CUL2: variants seen among roughly 807,000 people sequenced by gnomAD.
CUL2 encodes the protein cullin-2.
In CUL2, 22 loss-of-function variants were observed where a neutral mutation model predicts 110.2. That is an observed-to-expected ratio of 0.20 (90% CI 0.14 to 0.28). The LOEUF is 0.28. Among genes scored for constraint, CUL2 ranks in the 10% least tolerant of loss-of-function variants. The probability of loss-of-function intolerance (pLI) is 1.00; values close to 1 mark genes in which losing one functional copy is unlikely to be tolerated. For synonymous variants in CUL2, 279 were observed against 293.2 expected (o/e 0.95, Z 0.49); for missense variants, 631 against 905.5 (o/e 0.70, Z 3.89).
At chr10:35,079,789 T>G (rs1353319893) in intron 1 of CUL2, 1 of 154,752 alleles carries the variant, frequency 6.5e-6, no homozygotes, top group Non-Finnish European at 1.5e-5. Context: ...CTCTGGTGTA[T>G]CCATATTGCT....
At chr10:35,093,659 C>A (rs1360133071), upstream of CUL2, among the ~76,000 whole-genome samples, 13 of 87,802 alleles carry the variant, frequency 1.5e-4, no homozygotes, top group East Asian at 6.4e-4. Context: ...GACCTTCTCT[C>A]AAAAAAAAAA....
chr10:35,031,369 C>T lies in CUL2; in HGVS notation c.1317G>A (p.Leu439=), dbSNP rs1335873426. 6.2e-7 allele frequency: 1 copy of T among 1,609,182 alleles called. No homozygotes were observed. Among genetic ancestry groups the T allele is most frequent in the Non-Finnish European group, 8.5e-7 (1 of 1,177,724 alleles). The change falls in exon 14 of 21, where the codon CTG becomes CTA. Residue 439 remains leucine (L), a synonymous_variant. Coordinates refer to ENST00000374749, the MANE Select transcript of CUL2 (RefSeq NM_003591.4). This position sits in a 1 kb window ranked among gnomAD's most constrained non-coding sequence, Gnocchi z 4.4. ...ATAACCCATGAATTAAACGTTTTGC[C>T]AGCATTCTTGCGTAGAACTACATTT... ...DVFQKFYARM[L]AKRLIHGLSM...
chr10:35,117,697 T>C (rs1391712764), intron 1 of CUL2, among the ~76,000 whole-genome samples: 1 of 152,206 alleles, frequency 6.6e-6, no homozygotes, highest in African/African-American at 2.4e-5. Context: ...ATGTGAGTGG[T>C]GTATTACTGA....
At chr10:35,028,372 T>TA (rs1460402161) in intron 16 of CUL2, among the ~76,000 whole-genome samples, 1 of 152,226 alleles carries the variant, frequency 6.6e-6, no homozygotes. Flanking sequence ...TGTTACTACT[T>TA]ACTCTACTAG....
At chr10:35,107,374 GGCAGTTTATTACT>G (rs2087473034) in intron 1 of CUL2, among the ~76,000 whole-genome samples, 1 of 152,070 alleles carries the variant, frequency 6.6e-6, no homozygotes, top group Admixed American at 6.6e-5. Flanking sequence ...TAGAGAAAAG[GGCAGTTTATTACT>G]TCAAGTGTTT....
intron 4 of CUL2, among the ~76,000 whole-genome samples, chr10:35,060,442 G>A (rs750093421): frequency 1.5e-4 from 23 of 152,100 alleles, no homozygotes; most frequent in Non-Finnish European, 2.6e-4. Context: ...ACTTCAAGGG[G>A]AAAATAACCC....
chr10:35,108,930 C>T (rs2087496293), intron 1 of CUL2, among the ~76,000 whole-genome samples: 1 of 152,134 alleles, frequency 6.6e-6, no homozygotes, highest in East Asian at 1.9e-4. Flanking sequence ...CTAGCCATTT[C>T]TGCTAGGGAC....
chr10:35,033,204 A>T lies in CUL2; in HGVS notation c.1072T>A (p.Leu358Met). 6.2e-7 allele frequency: 1 copy of T among 1,613,716 alleles called. No individual in the cohort carries two copies. The highest frequency in any genetic ancestry group is 8.5e-7 in the Non-Finnish European group (1 of 1,179,810). The change falls in exon 11 of 21, where the codon TTG becomes ATG. Residue 358 changes from leucine (L) to methionine (M), a missense_variant. Leu to Met is a conservative substitution (Grantham distance 15). Around this residue, in one of 3 missense-constraint regions of CUL2, gnomAD observed 338 missense variants for 442.5 expected, o/e 0.76. Transcript: ENST00000374749. ...CTCATAAAATGCTGATCACCATTCAAAACAGTGTTGATAAGCTGAACAAAT... is the reference window on the plus strand; with the variant it reads ...CTCATAAAATGCTGATCACCATTCATAACAGTGTTGATAAGCTGAACAAAT... The part of the protein sequence containing the change: ...GKFVQLINTV[L>M]NGDQHFMSAL...
intron 1 of CUL2, chr10:35,120,605 G>C (rs1013139651): frequency 1.3e-5 from 2 of 152,124 alleles, no homozygotes; most frequent in Admixed American, 6.5e-5. Context: ...ATTGCCTAAA[G>C]AATGTGCTGA....
At chr10:35,057,682 A>T (rs2086275152) in intron 4 of CUL2, among the ~76,000 whole-genome samples, 1 of 152,028 alleles carries the variant, frequency 6.6e-6, no homozygotes, top group Admixed American at 6.6e-5. Context: ...AAAGAAAATA[A>T]AGTCACAATT....
chr10:35,060,941 G>A lies in CUL2; in HGVS notation c.250C>T (p.Leu84Phe). ...KRVLESEEQV[L>F]VMYHRYWEEY... Reference sequence around the variant, plus strand: ...TCCCAGTACCTATGATACATAACAAGTACTTGTTCTTCTGACTCCAAAACT... The same window carrying A: ...TCCCAGTACCTATGATACATAACAAATACTTGTTCTTCTGACTCCAAAACT... Residue 84 changes from leucine to phenylalanine, a missense_variant, in exon 4 of 21, where the codon CTT (leucine) becomes TTT (phenylalanine). Physicochemically the swap from Leu to Phe is conservative, Grantham distance 22. Coordinates refer to ENST00000374749, the MANE Select transcript of CUL2 (RefSeq NM_003591.4). 6.2e-7 allele frequency: 1 copy of A among 1,613,566 alleles called. No homozygotes were observed. The highest frequency in any genetic ancestry group is 8.5e-7 in the Non-Finnish European group (1 of 1,179,822).
At chr10:35,095,403 G>T (rs2087282064), upstream of CUL2, among the ~76,000 whole-genome samples, 1 of 151,612 alleles carries the variant, frequency 6.6e-6, no homozygotes, top group Admixed American at 6.6e-5. Context: ...ATCATGTTTG[G>T]GTTGATGTAC....
In CUL2 at chr10:35,025,124, C is replaced by A. The variant is rs1490258016; in HGVS notation, c.1684+8G>T. 1.3e-6 allele frequency: 2 copies of A among 1,504,664 alleles called. No homozygotes were observed. The highest frequency in any genetic ancestry group is 1.4e-5 in the South Asian group (1 of 71,528). 93.2% of individuals were successfully genotyped at this position (1,504,664 alleles called of 1,614,324 possible). On this transcript the variant is annotated splice_region_variant and intron_variant, in intron 17 of 20. Transcript: ENST00000374749. Reference sequence around the variant, plus strand: ...TCATTAAGCCAGATATAATTAAATGCATTTTACCTGTACACAGATAATGTA... The same window carrying A: ...TCATTAAGCCAGATATAATTAAATGAATTTTACCTGTACACAGATAATGTA...
At chr10:35,034,157 T>A (rs760792608) in intron 10 of CUL2, among the ~76,000 whole-genome samples, 12 of 152,210 alleles carry the variant, frequency 7.9e-5, no homozygotes, top group Non-Finnish European at 7.3e-5. Context: ...TGGATTTGAG[T>A]CTACCACAAA....
At chr10:35,064,646 C>T (rs35784065) in intron 2 of CUL2, among the ~76,000 whole-genome samples, 46,600 of 151,956 alleles carry the variant, frequency 0.31, 7,440 homozygotes, top group South Asian at 0.35. Context: ...TATTTACTTA[C>T]TTATAAATTT....
chr10:35,069,495 C>T (rs2086625178), intron 2 of CUL2, among the ~76,000 whole-genome samples: 1 of 151,640 alleles, frequency 6.6e-6, no homozygotes, highest in African/African-American at 2.4e-5. Context: ...GAGCTATAGT[C>T]ACACCACTGT....
intron 2 of CUL2, among the ~76,000 whole-genome samples, chr10:35,099,234 C>T (rs750437596): frequency 6.6e-6 from 1 of 151,536 alleles, no homozygotes; most frequent in Non-Finnish European, 1.5e-5. Flanking sequence ...TTCTAAAATA[C>T]AAAAAAATTA....
At chr10:35,078,302 T>C (rs1239320439) in intron 1 of CUL2, among the ~76,000 whole-genome samples, 1 of 151,974 alleles carries the variant, frequency 6.6e-6, no homozygotes, top group Non-Finnish European at 1.5e-5. Flanking sequence ...TGAATTTTTT[T>C]TTTTTTTTTT....
intron 17 of CUL2, among the ~76,000 whole-genome samples, chr10:35,018,105 C>T (rs2085084569): frequency 7.6e-6 from 1 of 131,872 alleles, no homozygotes; most frequent in African/African-American, 2.8e-5. Context: ...GGTGAAACCC[C>T]TGCTCTACTA....
Sources: gnomAD v4.1 joint callset for allele counts (sites outside exome capture counted in the v4.1 genomes callset) on GRCh38, gnomAD v4.1.1 for gene constraint, gnomAD v4.1.1 regional missense constraint, Gnocchi (gnomAD v3.1) non-coding constraint, MANE v1.5 for transcripts, NCBI Gene and HGNC (gene_info 2026-07-23, HGNC 2026-07-21) for gene names.